The following SHISA9 variants were observed in gnomAD, a reference collection of about 807,000 sequenced individuals.
SHISA9 encodes protein shisa-9.
In SHISA9, 13 loss-of-function variants were observed where a neutral mutation model predicts 38.0. The observed-to-expected ratio is 0.34, with a 90% CI of 0.22 to 0.54. SHISA9 has a LOEUF of 0.54. Among genes scored for constraint, SHISA9 ranks in the 20% least tolerant of loss-of-function variants. SHISA9 has a pLI of 0.91. For synonymous variants in SHISA9, 275 were observed against 242.0 expected, an observed-to-expected ratio of 1.14 and a Z score of -1.27; for missense variants, 538 against 575.8, an observed-to-expected ratio of 0.93 and a Z score of 0.67.
At chr16:13,225,239 T>C (rs911018788) in intron 4 of SHISA9, among the ~76,000 whole-genome samples, 8 of 152,178 alleles carry the variant, frequency 5.3e-5, no homozygotes, top group Non-Finnish European at 8.8e-5. Flanking sequence ...ATGGATCCTC[T>C]AGCAGAGCCT....
the SHISA9 span, among the ~76,000 whole-genome samples, chr16:13,526,109 A>G: frequency 2.0e-4 from 30 of 152,372 alleles, no homozygotes; most frequent in African/African-American, 6.5e-4. Context: ...AATGGGAGAC[A>G]GTGAATTAAA....
At chr16:13,459,872 C>T in the SHISA9 span, among the ~76,000 whole-genome samples, 1 of 152,080 alleles carries the variant, frequency 6.6e-6, no homozygotes, top group African/African-American at 2.4e-5. Context: ...TGTATGAGTC[C>T]TGAGATATTT....
chr16:12,908,949 A>G, intron 1 of SHISA9: 1 of 1,003,678 alleles, frequency 1.0e-6, no homozygotes, highest in African/African-American at 1.7e-5. Context: ...AACATGCTTC[A>G]GAAGAACTGG....
the SHISA9 span, among the ~76,000 whole-genome samples, chr16:13,519,966 A>T: frequency 6.6e-6 from 1 of 152,136 alleles, no homozygotes; most frequent in African/African-American, 2.4e-5. Context: ...CCTTCATGAA[A>T]ATGTACTGCA....
At chr16:13,438,022 G>T in the SHISA9 span, among the ~76,000 whole-genome samples, 1 of 150,624 alleles carries the variant, frequency 6.6e-6, no homozygotes, top group Non-Finnish European at 1.5e-5. Flanking sequence ...TCCGCCACCA[G>T]GCCCAGCTAA....
At chr16:13,447,576 C>T in the SHISA9 span, among the ~76,000 whole-genome samples, 3 of 152,210 alleles carry the variant, frequency 2.0e-5, no homozygotes, top group Non-Finnish European at 4.4e-5. Flanking sequence ...GAGTGTCCAG[C>T]ACCCAGGCAT....
At chr16:13,084,322 T>G (rs181136299) in intron 2 of SHISA9, among the ~76,000 whole-genome samples, 15 of 152,144 alleles carry the variant, frequency 9.9e-5, no homozygotes, top group African/African-American at 2.9e-4. Flanking sequence ...TGCTGTTGCT[T>G]TGTGGAAATA....
At chr16:13,195,698 A>G (rs1251384106) in intron 2 of SHISA9, among the ~76,000 whole-genome samples, 1 of 152,182 alleles carries the variant, frequency 6.6e-6, no homozygotes, top group Non-Finnish European at 1.5e-5. Flanking sequence ...ATTATAGTAC[A>G]TATTTTTGCT....
the SHISA9 span, among the ~76,000 whole-genome samples, chr16:13,268,882 G>C: frequency 6.6e-6 from 1 of 152,256 alleles, no homozygotes; most frequent in South Asian, 2.1e-4. Context: ...CATGATACCA[G>C]TTATACCCAC....
At chr16:13,443,513 A>G in the SHISA9 span, among the ~76,000 whole-genome samples, 1 of 152,234 alleles carries the variant, frequency 6.6e-6, no homozygotes, top group Non-Finnish European at 1.5e-5. Context: ...GCAAGCCCTG[A>G]TAATCTTTAA....
chr16:12,911,963 T>G (rs1292999393), intron 1 of SHISA9, among the ~76,000 whole-genome samples: 1 of 152,230 alleles, frequency 6.6e-6, no homozygotes, highest in Non-Finnish European at 1.5e-5. Context: ...AATAAATAAT[T>G]TAATCTGTGC....
At chr16:13,355,430 G>T in the SHISA9 span, among the ~76,000 whole-genome samples, 1 of 151,858 alleles carries the variant, frequency 6.6e-6, no homozygotes, top group Non-Finnish European at 1.5e-5. Flanking sequence ...GGGGATACAA[G>T]AGGAGGACGC....
At chr16:13,211,573 A>G (rs2142063853) in intron 3 of SHISA9, among the ~76,000 whole-genome samples, 1 of 152,310 alleles carries the variant, frequency 6.6e-6, no homozygotes, top group Non-Finnish European at 1.5e-5. Context: ...CCTCTTCATG[A>G]GCATTTTTCA....
chr16:13,116,656 A>G (rs1420920472), intron 2 of SHISA9, among the ~76,000 whole-genome samples: 2 of 152,102 alleles, frequency 1.3e-5, no homozygotes, highest in African/African-American at 4.8e-5. Flanking sequence ...AGTATTTCCT[A>G]AGTGTGTGAA....
chr16:13,382,236 T>C, the SHISA9 span, among the ~76,000 whole-genome samples: 1 of 152,146 alleles, frequency 6.6e-6, no homozygotes, highest in Non-Finnish European at 1.5e-5. Context: ...GCAGTAAGAA[T>C]ATTTATTATG....
At chr16:13,540,823 A>AT in the SHISA9 span, among the ~76,000 whole-genome samples, 1 of 152,176 alleles carries the variant, frequency 6.6e-6, no homozygotes, top group Admixed American at 6.6e-5. Context: ...TGCTACCCCC[A>AT]TTTTTGTTAA....
rs8058952 is a variant in SHISA9, at chr16:13,082,177, A to C, written c.692-121217A>C. Among the ~76,000 whole-genome samples the C allele has an allele frequency of 8.2e-3, 1,250 of 152,366 alleles. 14 individuals carry two copies. The highest frequency in any genetic ancestry group is 0.027 in the African/African-American group (1,122 of 41,590). On this transcript the variant is annotated intron_variant, in intron 2 of 4. Coordinates refer to ENST00000558583, the MANE Select transcript of SHISA9 (RefSeq NM_001145204.3). ...TGTGAGGTATTAACCAGAAGTGTTT[A>C]ACTCCCTTGAGAACGCAGAATAGAG... is the stretch of plus-strand genomic sequence containing the variant.
chr16:13,211,321 AAAG>A (rs1177817038), intron 3 of SHISA9, among the ~76,000 whole-genome samples: 6 of 152,184 alleles, frequency 3.9e-5, no homozygotes, highest in South Asian at 4.2e-4. Context: ...AAGAAAAAAA[AAAG>A]AAAGTAAAAA....
the SHISA9 span, among the ~76,000 whole-genome samples, chr16:13,324,258 T>C: frequency 6.6e-6 from 1 of 152,214 alleles, no homozygotes; most frequent in Non-Finnish European, 1.5e-5. Flanking sequence ...AATGGATTAA[T>C]GCAGCTCTGA....
Sources: gnomAD v4.1 joint callset for allele counts (sites outside exome capture counted in the v4.1 genomes callset) on GRCh38, gnomAD v4.1.1 for gene constraint, MANE v1.5 for transcripts, NCBI Gene and HGNC (gene_info 2026-07-23, HGNC 2026-07-21) for gene names.